The following PLCL1 variants were observed in gnomAD, a reference collection of about 807,000 sequenced individuals.
PLCL1 encodes the protein phospholipase C like 1 (inactive).
Under a neutral mutation model 84.4 loss-of-function variants are expected in PLCL1, and 41 were observed. The observed-to-expected ratio is 0.49, with a 90% CI of 0.38 to 0.63. The LOEUF is 0.63. Ranked by LOEUF, PLCL1 falls within the 30% of genes least tolerant of loss-of-function variation. PLCL1 has a pLI of 0.00. For synonymous variants in PLCL1, 490 were observed against 488.3 expected (o/e 1.00, Z -0.05); for missense variants, 1,206 against 1,367.8 (o/e 0.88, Z 1.87).
At chr2:198,135,861 C>T (rs1042780471) in intron 5 of PLCL1, among the ~76,000 whole-genome samples, 1 of 152,168 alleles carries the variant, frequency 6.6e-6, no homozygotes, top group African/African-American at 2.4e-5. Context: ...AGCTGTTTTA[C>T]ATTTTTTATT....
At position 198,084,908 on chromosome 2, in the gene PLCL1, C is replaced by T; in HGVS notation, c.1391C>T (p.Thr464Ile). 1 of 1,613,780 alleles carries T rather than the reference C, an allele frequency of 6.2e-7. No individual in the cohort carries two copies. The highest frequency in any genetic ancestry group is 8.5e-7 in the Non-Finnish European group (1 of 1,179,788). The change falls in exon 2 of 6, where the codon ACC (threonine) becomes ATC (isoleucine). Residue 464 changes from threonine to isoleucine, a missense_variant. By Grantham distance (89) the Thr-to-Ile change is moderately conservative. Transcript: ENST00000428675. The stretch of plus-strand genomic sequence containing the variant: ...CTTTGTAATCGAAATAACATGACAA[C>T]CCATGTTTCCTTTCGAAGTGTCATA... ...PILCNRNNMTTHVSFRSVIEV... is the reference protein window; with the variant it reads ...PILCNRNNMTIHVSFRSVIEV...
At chr2:197,858,038 G>C (rs1206422112) in intron 1 of PLCL1, among the ~76,000 whole-genome samples, 2 of 152,168 alleles carry the variant, frequency 1.3e-5, no homozygotes, top group African/African-American at 4.8e-5. Flanking sequence ...CCTCATGAGA[G>C]AGAAGTACTT....
At chr2:197,900,569 C>T (rs1688244699) in intron 1 of PLCL1, among the ~76,000 whole-genome samples, 1 of 152,106 alleles carries the variant, frequency 6.6e-6, no homozygotes, top group African/African-American at 2.4e-5. Flanking sequence ...CCTTGGACCT[C>T]GGGATCATTG....
At chr2:198,040,776 T>A (rs193192016) in intron 1 of PLCL1, among the ~76,000 whole-genome samples, 4 of 152,278 alleles carry the variant, frequency 2.6e-5, no homozygotes, top group Admixed American at 2.6e-4. Flanking sequence ...TAAGAAGAAA[T>A]GCCTGAGATT....
chr2:198,027,362 A>G (rs1691294575), intron 1 of PLCL1, among the ~76,000 whole-genome samples: 2 of 152,134 alleles, frequency 1.3e-5, no homozygotes, highest in African/African-American at 4.8e-5. Context: ...GAATGGAGGA[A>G]TTGGGGAGAT....
chr2:197,889,209 A>C (rs1043955411), intron 1 of PLCL1, among the ~76,000 whole-genome samples: 1 of 152,186 alleles, frequency 6.6e-6, no homozygotes, highest in East Asian at 1.9e-4. Context: ...ATTGCAGAAC[A>C]AAAGGGAAGA....
At chr2:197,944,304 C>T (rs374920526) in intron 1 of PLCL1, among the ~76,000 whole-genome samples, 5 of 152,106 alleles carry the variant, frequency 3.3e-5, no homozygotes, top group Admixed American at 6.6e-5. Context: ...ATGCTGATTC[C>T]GGGGTTGAAG....
chr2:197,954,134 T>C (rs1361936180), intron 1 of PLCL1, among the ~76,000 whole-genome samples: 1 of 152,094 alleles, frequency 6.6e-6, no homozygotes, highest in Non-Finnish European at 1.5e-5. Flanking sequence ...TGAGAGACAA[T>C]ATGGAGGGCA....
At chr2:198,090,236 C>T (rs1692988992) in intron 3 of PLCL1, among the ~76,000 whole-genome samples, 1 of 151,908 alleles carries the variant, frequency 6.6e-6, no homozygotes, top group African/African-American at 2.4e-5. Flanking sequence ...TGGAGAAGTC[C>T]TTACAATGTT....
At chr2:197,906,972 C>CAA (rs1688395846) in intron 1 of PLCL1, among the ~76,000 whole-genome samples, 1 of 152,092 alleles carries the variant, frequency 6.6e-6, no homozygotes, top group African/African-American at 2.4e-5. Flanking sequence ...GGCTGAGATG[C>CAA]TGGGGTTTTC....
chr2:197,959,677 T>G (rs1425968453), intron 1 of PLCL1, among the ~76,000 whole-genome samples: 1 of 152,042 alleles, frequency 6.6e-6, no homozygotes, highest in African/African-American at 2.4e-5. Flanking sequence ...TTAAAAAAAT[T>G]GTTTGAATTA....
At chr2:197,824,644 G>T (rs1690889367) in intron 1 of PLCL1, among the ~76,000 whole-genome samples, 1 of 149,184 alleles carries the variant, frequency 6.7e-6, no homozygotes, top group East Asian at 2.0e-4. Context: ...AGCTCAGGAG[G>T]TTGAGGCTGC....
chr2:198,119,308 A>G (rs187028334), intron 5 of PLCL1, among the ~76,000 whole-genome samples: 15 of 152,160 alleles, frequency 9.9e-5, no homozygotes, highest in Admixed American at 2.0e-4. Context: ...AATCTTTTAA[A>G]AAGCCTAAGA....
intron 1 of PLCL1, among the ~76,000 whole-genome samples, chr2:198,069,681 T>C (rs947506148): frequency 6.6e-6 from 1 of 152,164 alleles, no homozygotes; most frequent in Admixed American, 6.5e-5. Flanking sequence ...TTTGAAAAAA[T>C]ATATTGACAA....
rs374918500 is a variant in PLCL1, at chr2:198,110,160, T to C, written c.3105+6224T>C. 5.3e-5 allele frequency among the ~76,000 whole-genome samples: 8 copies of C among 152,008 alleles called. No individual in the cohort carries two copies. The East Asian group carries it at 1.2e-3, about 22-fold the overall frequency. ...ATTAAATATGTATTTACACTTTTCCTGGATAGATTTCCAACTTATAATTTA... is the reference window on the plus strand; with the variant it reads ...ATTAAATATGTATTTACACTTTTCCCGGATAGATTTCCAACTTATAATTTA... On this transcript the variant is annotated intron_variant, in intron 5 of 5. Coordinates refer to ENST00000428675, the MANE Select transcript of PLCL1 (RefSeq NM_006226.4).
At chr2:197,905,051 G>A (rs547536893) in intron 1 of PLCL1, among the ~76,000 whole-genome samples, 1 of 152,026 alleles carries the variant, frequency 6.6e-6, no homozygotes, top group African/African-American at 2.4e-5. Context: ...TTGCACAAAT[G>A]CTTCATTTTT....
At chr2:197,934,013 G>A (rs921424314) in intron 1 of PLCL1, among the ~76,000 whole-genome samples, 4 of 152,136 alleles carry the variant, frequency 2.6e-5, no homozygotes, top group South Asian at 2.1e-4. Flanking sequence ...TACGGCAAAT[G>A]TAAGAGCATT....
rs528606144 is a variant in PLCL1, at chr2:197,935,598, C to CG, written c.240+130262dup. Among the ~76,000 whole-genome samples the CG allele has an allele frequency of 2.2e-3, 336 of 152,196 alleles. 3 individuals carry two copies. The highest frequency in any genetic ancestry group is 7.6e-3 in the African/African-American group (314 of 41,524). On this transcript the variant is annotated intron_variant, in intron 1 of 5. Coordinates refer to ENST00000428675, the MANE Select transcript of PLCL1 (RefSeq NM_006226.4). ...TGGACACAAAGGGGAACAACAGACA[C>CG]GGGAACCTATTTGAGGGTAGAGGGT...
intron 1 of PLCL1, among the ~76,000 whole-genome samples, chr2:197,944,926 TATC>T (rs1320108294): frequency 1.3e-5 from 2 of 152,230 alleles, no homozygotes; most frequent in Middle Eastern, 3.2e-3. Context: ...TTTTGTTTCC[TATC>T]ATCTTTGTGG....
Sources: allele counts gnomAD v4.1 joint callset (sites outside exome capture counted in the v4.1 genomes callset), GRCh38; gene constraint gnomAD v4.1.1; transcripts MANE v1.5; gene names NCBI Gene and HGNC (gene_info 2026-07-23, HGNC 2026-07-21).